HMGXB4: variants seen among roughly 807,000 people sequenced by gnomAD.
The protein encoded by HMGXB4 is HMG-box containing 4.
In HMGXB4, 27 loss-of-function variants were observed where a neutral mutation model predicts 63.9. The ratio of observed to expected loss-of-function variants is 0.42; its 90% CI spans 0.31 to 0.58. The LOEUF is 0.58. HMGXB4 is among the 20% of genes least tolerant of loss of function. The pLI, the probability that HMGXB4 is intolerant of heterozygous loss-of-function variation, is 0.13. For missense variants in HMGXB4, 624 were observed against 700.7 expected (o/e 0.89, Z 1.24); for synonymous variants, 264 against 265.3 (o/e 0.99, Z 0.05).
chr22:35,287,163 T>C (rs1184933256), intron 7 of HMGXB4, 184 bp from the exon 8 acceptor site: 1 of 570,804 alleles, frequency 1.8e-6, no homozygotes, highest in Non-Finnish European at 3.2e-6. Flanking sequence ...TTTACTAAGA[T>C]ATTAATGTAG....
chr22:35,288,118 G>A, intron 8 of HMGXB4, 120 bp from the exon 9 acceptor site: 1 of 749,110 alleles, frequency 1.3e-6, no homozygotes, highest in Non-Finnish European at 2.0e-6. Flanking sequence ...TTAGCCCACA[G>A]GCCACAGTTT....
At chr22:35,279,716 A>G (rs1262220656) in intron 5 of HMGXB4, among the ~76,000 whole-genome samples, 36 of 127,970 alleles carry the variant, frequency 2.8e-4, no homozygotes, top group Admixed American at 1.9e-3. Flanking sequence ...TGGATATCCA[A>G]TTGTCCCAGC....
In HMGXB4 at chr22:35,265,531, C is replaced by T; in HGVS notation, c.1143C>T (p.Leu381=). 1 of 1,613,052 alleles carries T rather than the reference C, an allele frequency of 6.2e-7. No homozygotes were observed. Among genetic ancestry groups the T allele is most frequent in the Non-Finnish European group, 8.5e-7 (1 of 1,179,824 alleles). Residue 381 remains leucine, a synonymous_variant, in exon 5 of 11, where the codon CTC becomes CTT. Transcript: ENST00000216106. ...CACCTCCCCTGCCACTTCCTGGCCT[C>T]CACACAGATGGGCATAGTGAAAAAA... is the stretch of plus-strand genomic sequence containing the variant. The part of the protein sequence containing the change: ...AAAPPLPLPG[L]HTDGHSEKKK...
At chr22:35,280,779 C>G (rs1449849792) in intron 5 of HMGXB4, among the ~76,000 whole-genome samples, 1 of 152,144 alleles carries the variant, frequency 6.6e-6, no homozygotes, top group African/African-American at 2.4e-5. Flanking sequence ...GAATGTGCCC[C>G]CATGTTGTTT....
In HMGXB4 at chr22:35,267,169, ATATAT is replaced by A. The variant is rs917908810; in HGVS notation, c.1215+1572_1215+1576del. 8.3e-4 allele frequency among the ~76,000 whole-genome samples: 112 copies of A among 135,518 alleles called. No individual in the cohort carries two copies. In the South Asian group the frequency reaches 0.013, roughly 16 times the overall value. The allele number at this position is 135,518 out of a possible 152,430, so 88.9% of individuals were successfully genotyped here. A position where few individuals can be genotyped will look rare whatever the true frequency, so the allele number is the denominator to read the frequency against. On this transcript the variant is annotated intron_variant, in intron 5 of 10. Coordinates refer to ENST00000216106, the MANE Select transcript of HMGXB4 (RefSeq NM_001003681.3). ...GTGTATATATAATATATATAAAATA[ATATAT>A]TATATATATATACACACACACATCT... is the stretch of plus-strand genomic sequence containing the variant.
chr22:35,269,894 G>T (rs11552098), intron 5 of HMGXB4, among the ~76,000 whole-genome samples: 2 of 152,204 alleles, frequency 1.3e-5, no homozygotes, highest in Admixed American at 6.5e-5. Context: ...GGGAGGATCA[G>T]TTGAACCCAG....
intron 9 of HMGXB4, among the ~76,000 whole-genome samples, chr22:35,290,198 TTAAGCG>T (rs1284354827): frequency 6.6e-6 from 1 of 152,202 alleles, no homozygotes; most frequent in African/African-American, 2.4e-5. Flanking sequence ...ACAGTTTGTT[TTAAGCG>T]TATTCTGAAT....
intron 5 of HMGXB4, among the ~76,000 whole-genome samples, chr22:35,269,816 G>A (rs896870570): frequency 6.6e-6 from 1 of 152,088 alleles, no homozygotes; most frequent in African/African-American, 2.4e-5. Context: ...AGGCTGGCCT[G>A]GGCAATCTAG....
intron 5 of HMGXB4, among the ~76,000 whole-genome samples, chr22:35,267,667 A>G (rs1923346579): frequency 6.6e-6 from 1 of 150,552 alleles, no homozygotes; most frequent in South Asian, 2.1e-4. Flanking sequence ...CAGTCAACCC[A>G]AACTCAAAAC....
intron 9 of HMGXB4, among the ~76,000 whole-genome samples, chr22:35,291,928 A>T (rs1219480026): frequency 6.6e-6 from 1 of 152,100 alleles, no homozygotes; most frequent in Non-Finnish European, 1.5e-5. Flanking sequence ...GACAAGGAGG[A>T]TGAGGGAAAG....
intron 9 of HMGXB4, 24 bp from the exon 10 acceptor site, chr22:35,292,968 G>GCAA: frequency 1.2e-6 from 2 of 1,614,210 alleles, no homozygotes; most frequent in Non-Finnish European, 1.7e-6. Context: ...TGTGACTCAA[G>GCAA]CAACAACCTC....
intron 3 of HMGXB4, among the ~76,000 whole-genome samples, chr22:35,263,594 A>G (rs929296259): frequency 1.3e-5 from 2 of 152,174 alleles, no homozygotes; most frequent in Non-Finnish European, 2.9e-5. Context: ...GTCTTAAACT[A>G]CTTCTTACCA....
intron 5 of HMGXB4, among the ~76,000 whole-genome samples, chr22:35,275,110 CTTTTTTTTTTTTTTT>C (rs59290559): frequency 9.7e-6 from 1 of 103,538 alleles, no homozygotes; most frequent in African/African-American, 3.8e-5. Context: ...CACCAAATTT[CTTTTTTTTTTTTTTT>C]TTTTTTTTTT....
rs1038710545 is a variant in HMGXB4 at position 35,295,530 on chromosome 22, T to G, written c.*1879T>G. ...TCATTTATATACATTAATGAAATCC[T>G]GATGAGGACCTGCTTTTTGTTTGTT... On this transcript the variant is annotated 3_prime_UTR_variant, in exon 11 of 11. Coordinates refer to ENST00000216106, the MANE Select transcript of HMGXB4 (RefSeq NM_001003681.3). 1.3e-5 allele frequency: 2 copies of G among 152,650 alleles called. No homozygotes were observed. Among genetic ancestry groups the G allele is most frequent in the African/African-American group, 4.8e-5 (2 of 41,442 alleles). 9.5% of individuals were successfully genotyped at this position (152,650 alleles called of 1,614,324 possible).
chr22:35,249,134 C>T, the HMGXB4 span, among the ~76,000 whole-genome samples: 110 of 152,012 alleles, frequency 7.2e-4, 1 homozygote, highest in East Asian at 0.02. Context: ...TCTTGGCTCA[C>T]TGCAACCTCT....
At chr22:35,256,376 A>AG (rs1366777460), upstream of HMGXB4, among the ~76,000 whole-genome samples, 2 of 152,014 alleles carry the variant, frequency 1.3e-5, no homozygotes, top group Admixed American at 1.3e-4. Flanking sequence ...CTACATCTCT[A>AG]ACTTCTCTGC....
chr22:35,257,699 G>C (rs907237402), intron 1 of HMGXB4, 142 bp downstream of exon 1: 4 of 152,544 alleles, frequency 2.6e-5, no homozygotes, highest in African/African-American at 9.6e-5. Context: ...CTAGCCCAGG[G>C]GCCGAGCCGG....
chr22:35,259,588 C>T (rs973142990), intron 1 of HMGXB4, among the ~76,000 whole-genome samples: 4 of 152,194 alleles, frequency 2.6e-5, no homozygotes, highest in African/African-American at 9.6e-5. Context: ...CTTTCTTTCA[C>T]ACTGTTGCTT....
At chr22:35,289,764 C>T (rs1380112460) in intron 9 of HMGXB4, among the ~76,000 whole-genome samples, 1 of 152,170 alleles carries the variant, frequency 6.6e-6, no homozygotes, top group African/African-American at 2.4e-5. Flanking sequence ...GCACAGCTGT[C>T]GTGTTTCATT....
Sources: gnomAD v4.1 joint callset for allele counts (sites outside exome capture counted in the v4.1 genomes callset) on GRCh38, gnomAD v4.1.1 for gene constraint, MANE v1.5 for transcripts, NCBI Gene and HGNC (gene_info 2026-07-23, HGNC 2026-07-21) for gene names.